MIA2: variants seen among roughly 807,000 people sequenced by gnomAD.
MIA2 encodes the protein melanoma inhibitory activity protein 2.
Under a neutral mutation model 167.8 loss-of-function variants are expected in MIA2, and 127 were observed. The observed-to-expected ratio is 0.76, with a 90% CI of 0.66 to 0.88. The LOEUF (loss-of-function observed/expected upper bound fraction) is 0.88. MIA2 is among the 40% of genes least tolerant of loss of function. MIA2 has a pLI of 0.00. For missense variants in MIA2, 1,690 were observed against 1,624.7 expected (o/e 1.04, Z -0.69); for synonymous variants, 552 against 541.9 (o/e 1.02, Z -0.26).
intron 3 of MIA2, among the ~76,000 whole-genome samples, chr14:39,243,208 G>A (rs571009194): frequency 1.3e-5 from 2 of 152,112 alleles, no homozygotes; most frequent in Admixed American, 1.3e-4. Flanking sequence ...TGCAGTGAAG[G>A]TCTCAGTTGA....
chr14:39,321,118 A>G lies in MIA2; in HGVS notation c.3496+62A>G, dbSNP rs753742655. ...TTCCTTACTTTATATTTTCATCTCA[A>G]CTTACCTTAAAAATGATCTGTAAAA... On this transcript the variant is annotated intron_variant, in intron 24 of 28. Transcript: ENST00000640607. 146 of 1,484,262 alleles carry G rather than the reference A, an allele frequency of 9.8e-5. 1 individual carries two copies. In the Middle Eastern group the frequency reaches 2.3e-3, roughly 23 times the overall value. 91.9% of individuals were successfully genotyped at this position (1,484,262 alleles called of 1,614,324 possible).
At chr14:39,265,178 C>A in intron 6 of MIA2, 1 of 467,790 alleles carries the variant, frequency 2.1e-6, no homozygotes, top group East Asian at 4.1e-5. Context: ...TATATATATA[C>A]TTAACAACGA....
chr14:39,314,912 C>T, intron 20 of MIA2, 113 bp downstream of exon 20: 1 of 798,834 alleles, frequency 1.3e-6, no homozygotes, highest in African/African-American at 1.8e-5. Flanking sequence ...CAGTTGTATA[C>T]CTCTTTTGAG....
intron 25 of MIA2, among the ~76,000 whole-genome samples, chr14:39,330,485 T>G (rs553736710): frequency 6.6e-6 from 1 of 152,176 alleles, no homozygotes; most frequent in Non-Finnish European, 1.5e-5. Context: ...ATCTTAGTTA[T>G]TTCTTGTCTT....
chr14:39,277,481 G>A (rs2058172696), intron 7 of MIA2, among the ~76,000 whole-genome samples: 1 of 151,198 alleles, frequency 6.6e-6, no homozygotes, highest in Non-Finnish European at 1.5e-5. Flanking sequence ...AGCCATGGTT[G>A]TGACACTGTA....
At chr14:39,339,749 T>G (rs114242920) in intron 25 of MIA2, among the ~76,000 whole-genome samples, 181 of 152,336 alleles carry the variant, frequency 1.2e-3, no homozygotes, top group African/African-American at 4.2e-3. Context: ...ACTAGGCACA[T>G]GTGGCTAGTA....
intron 2 of MIA2, among the ~76,000 whole-genome samples, chr14:39,238,022 G>A (rs1053217269): frequency 2.6e-5 from 4 of 152,008 alleles, no homozygotes; most frequent in Non-Finnish European, 5.9e-5. Flanking sequence ...TTACAGGCGT[G>A]AGCCACTGCG....
intron 6 of MIA2, among the ~76,000 whole-genome samples, chr14:39,254,482 T>A (rs189141379): frequency 2.0e-5 from 3 of 151,962 alleles, no homozygotes. Context: ...AGGCAGGGAG[T>A]CCAGTCAAGA....
At position 39,299,962 on chromosome 14, in the gene MIA2, A is replaced by C. The variant is rs142504430; in HGVS notation, c.2595A>C (p.Leu865=). 5 of 1,602,442 alleles carry C rather than the reference A, an allele frequency of 3.1e-6. No individual in the cohort carries two copies. Among genetic ancestry groups the C allele is most frequent in the East Asian group, 2.3e-5 (1 of 43,874 alleles). The change falls in exon 14 of 29, where the codon CTA becomes CTC. Residue 865 remains leucine, a synonymous_variant. Transcript: ENST00000640607. ...EDSKVHAEQV[L]NDKESHIKTL... ...CCAAAGTACATGCAGAACAAGTTCT[A>C]AATGATAAAGAAAGTCACATCAAGG...
In MIA2 at chr14:39,293,995, T is replaced by A; in HGVS notation, c.2320-5T>A. The A allele has an allele frequency of 6.2e-7, 1 of 1,606,300 alleles. No individual in the cohort carries two copies. The highest frequency in any genetic ancestry group is 2.2e-5 in the East Asian group (1 of 44,558). On this transcript the variant is annotated splice_polypyrimidine_tract_variant and splice_region_variant and intron_variant, in intron 11 of 28. Coordinates refer to ENST00000640607, the MANE Select transcript of MIA2 (RefSeq NM_001329214.4). ...AATATTAATTGCCTGATACTGTGTTTCTAGATGGCGGATATTTCAAAAAGG... is the reference window on the plus strand; with the variant it reads ...AATATTAATTGCCTGATACTGTGTTACTAGATGGCGGATATTTCAAAAAGG...
chr14:39,269,026 G>T (rs1050842268), intron 6 of MIA2: 2 of 971,712 alleles, frequency 2.1e-6, no homozygotes, highest in Non-Finnish European at 1.2e-6. Context: ...AATGCAGCCA[G>T]ATTTTGCAGT....
chr14:39,327,232 T>C (rs1050502564), intron 25 of MIA2, among the ~76,000 whole-genome samples: 2 of 152,226 alleles, frequency 1.3e-5, no homozygotes, highest in Non-Finnish European at 2.9e-5. Flanking sequence ...AAATGGAATG[T>C]TTTTATTGTT....
intron 2 of MIA2, among the ~76,000 whole-genome samples, chr14:39,237,426 C>T (rs2053805771): frequency 6.6e-6 from 1 of 152,122 alleles, no homozygotes; most frequent in Admixed American, 6.5e-5. Context: ...CCGCACCCGC[C>T]CAAGGATACC....
intron 1 of MIA2, among the ~76,000 whole-genome samples, chr14:39,235,430 C>T (rs2053690983): frequency 6.6e-6 from 1 of 152,028 alleles, no homozygotes; most frequent in Non-Finnish European, 1.5e-5. Context: ...TCTTCCTTAA[C>T]TTTTTGGACA....
At chr14:39,357,583 G>C (rs2074562116) in intron 23 of MIA2, among the ~76,000 whole-genome samples, 1 of 152,138 alleles carries the variant, frequency 6.6e-6, no homozygotes, top group Non-Finnish European at 1.5e-5. Context: ...GTGTGAATTT[G>C]ACCCTGTCAT....
chr14:39,318,047 T>C, intron 22 of MIA2, 36 bp downstream of exon 22: 2 of 1,450,746 alleles, frequency 1.4e-6, no homozygotes, highest in Non-Finnish European at 1.9e-6. Context: ...AAATTAGTTA[T>C]TCTGTTATTT....
chr14:39,370,554 C>T (rs1447767911), intron 23 of MIA2: 2 of 374,604 alleles, frequency 5.3e-6, no homozygotes, highest in Non-Finnish European at 1.1e-5. Flanking sequence ...GGATATGCAC[C>T]ACCGTGTTGC....
chr14:39,310,053 G>A (rs1030845557), intron 18 of MIA2, among the ~76,000 whole-genome samples: 8 of 151,818 alleles, frequency 5.3e-5, no homozygotes, highest in African/African-American at 9.7e-5. Context: ...TATAGAATCT[G>A]TATTTGTGAA....
intron 18 of MIA2, among the ~76,000 whole-genome samples, chr14:39,311,046 G>A (rs1486886604): frequency 6.6e-6 from 1 of 152,084 alleles, no homozygotes; most frequent in Admixed American, 6.6e-5. Context: ...GTATATGGTT[G>A]ATTATAGAAT....
Sources: gnomAD v4.1 joint callset for allele counts (sites outside exome capture counted in the v4.1 genomes callset) on GRCh38, gnomAD v4.1.1 for gene constraint, MANE v1.5 for transcripts, NCBI Gene and HGNC (gene_info 2026-07-23, HGNC 2026-07-21) for gene names.